BRMS1L: variants seen among roughly 807,000 people sequenced by gnomAD.
The protein encoded by BRMS1L is breast cancer metastasis-suppressor 1-like protein.
A neutral mutation model predicts 50.3 loss-of-function variants in BRMS1L; 23 were observed. That is an observed-to-expected ratio of 0.46 (90% CI 0.33 to 0.65). BRMS1L has a LOEUF of 0.65. Among genes scored for constraint, BRMS1L ranks in the 30% least tolerant of loss-of-function variants. The pLI, the probability that BRMS1L is intolerant of heterozygous loss-of-function variation, is 0.02. For synonymous variants in BRMS1L, 114 were observed against 126.9 expected, an observed-to-expected ratio of 0.90 and a Z score of 0.69; for missense variants, 286 against 386.1, an observed-to-expected ratio of 0.74 and a Z score of 2.17.
At chr14:35,832,484 T>C (rs1021318607) in intron 2 of BRMS1L, among the ~76,000 whole-genome samples, 43 of 147,464 alleles carry the variant, frequency 2.9e-4, no homozygotes, top group Middle Eastern at 3.4e-3. Flanking sequence ...CCAGCCTGGG[T>C]GACGGAGCGA....
rs1212538693 is a variant in BRMS1L at position 35,826,380 on chromosome 14, G to C, written c.-137G>C. 4.5e-6 allele frequency: 6 copies of C among 1,336,600 alleles called. No individual in the cohort carries two copies. The highest frequency in any genetic ancestry group is 6.1e-6 in the Non-Finnish European group (6 of 978,604). The allele number at this position is 1,336,600 out of a possible 1,614,324, so 82.8% of individuals were successfully genotyped here. On this transcript the variant is annotated 5_prime_UTR_variant, in exon 1 of 10. Transcript: ENST00000216807. The stretch of plus-strand genomic sequence containing the variant: ...GCCTGCGGGTTAGGTTGTGAGGCCC[G>C]GGCCGGGGGCGGGGAGGAGCCAAGG...
chr14:35,842,936 A>G (rs549921852), intron 4 of BRMS1L, among the ~76,000 whole-genome samples: 3 of 152,116 alleles, frequency 2.0e-5, no homozygotes, highest in South Asian at 2.1e-4. Flanking sequence ...TTGATCTTCA[A>G]TCTCTGATAT....
chr14:35,864,885 T>G, intron 6 of BRMS1L, 50 bp from the exon 7 acceptor site: 1 of 1,232,972 alleles, frequency 8.1e-7, no homozygotes, highest in East Asian at 2.4e-5. Flanking sequence ...TTTGGAAATA[T>G]AATTCAAAGT....
chr14:35,832,942 T>C (rs1298184546), intron 2 of BRMS1L, 36 bp from the exon 3 acceptor site: 2 of 1,557,866 alleles, frequency 1.3e-6, no homozygotes, highest in South Asian at 2.4e-5. Context: ...TTTGTTGAGA[T>C]TTTTAAATTA....
intron 4 of BRMS1L, among the ~76,000 whole-genome samples, chr14:35,856,004 A>C (rs1376950047): frequency 6.6e-6 from 1 of 152,168 alleles, no homozygotes; most frequent in African/African-American, 2.4e-5. Flanking sequence ...TCTGAATGTC[A>C]TTATTCAGGG....
Position 35,864,504 on chromosome 14 carries a change from T to C in BRMS1L, c.623-431T>C, listed in dbSNP as rs575028457. On this transcript the variant is annotated intron_variant, in intron 6 of 9. Transcript: ENST00000216807. ...TTGAACTCCTGGGCTTAAGCCTGCA[T>C]TGGCCTCCCAAAGTGCTAGGATTGC... Among the ~76,000 whole-genome samples, 31 of 152,292 alleles carry C rather than the reference T, an allele frequency of 2.0e-4. No individual in the cohort carries two copies. The East Asian group carries it at 5.6e-3, about 28-fold the overall frequency.
In BRMS1L at chr14:35,865,963, T is replaced by C. The variant is rs1206476917; in HGVS notation, c.727+202T>C. On this transcript the variant is annotated intron_variant, in intron 8 of 9. Transcript: ENST00000216807. Reference sequence around the variant, plus strand: ...TCTGAATGTGGTATAATTATTTCAGTGTTCAGCTACATTCTTATTGCTAAT... The same window carrying C: ...TCTGAATGTGGTATAATTATTTCAGCGTTCAGCTACATTCTTATTGCTAAT... The C allele has an allele frequency of 1.3e-5, 7 of 546,422 alleles. No individual in the cohort carries two copies. In the East Asian group the frequency reaches 2.2e-4, roughly 17 times the overall value. The allele number at this position is 546,422 out of a possible 1,614,324, so 33.8% of individuals were successfully genotyped here.
At chr14:35,849,380 C>T (rs2078179190) in intron 4 of BRMS1L, among the ~76,000 whole-genome samples, 1 of 152,164 alleles carries the variant, frequency 6.6e-6, no homozygotes, top group Admixed American at 6.5e-5. Flanking sequence ...CTCAAACTCC[C>T]AGGCTCAAGC....
At chr14:35,862,958 A>G (rs138381657) in intron 5 of BRMS1L, among the ~76,000 whole-genome samples, 2 of 152,274 alleles carry the variant, frequency 1.3e-5, no homozygotes, top group East Asian at 1.9e-4. Context: ...TCAGGGCTGG[A>G]TGTGGTGCTG....
chr14:35,843,733 T>G (rs755046297), intron 4 of BRMS1L, among the ~76,000 whole-genome samples: 6 of 152,226 alleles, frequency 3.9e-5, no homozygotes, highest in Non-Finnish European at 8.8e-5. Flanking sequence ...GATCTGCTGC[T>G]CTCTTTAGAG....
intron 4 of BRMS1L, 57 bp downstream of exon 4, chr14:35,834,980 G>A (rs1159062791): frequency 7.5e-7 from 1 of 1,342,176 alleles, no homozygotes; most frequent in Non-Finnish European, 1.0e-6. Context: ...CCTTTTCTGA[G>A]TGTAGTAGTT....
chr14:35,826,566 A>G lies in BRMS1L; in HGVS notation c.50A>G (p.Glu17Gly), dbSNP rs748704138. ...GDKKETNHHD[E>G]MEVDYAENEG... is the part of the protein sequence containing the mutation. Reference sequence around the variant, plus strand: ...AAGAAGGAGACCAACCATCACGATGAGATGGAGGTGGACTACGCCGAAAAT... The same window carrying G: ...AAGAAGGAGACCAACCATCACGATGGGATGGAGGTGGACTACGCCGAAAAT... Residue 17 changes from glutamate to glycine, a missense_variant, in exon 1 of 10, where the codon GAG becomes GGG. Physicochemically the swap from Glu to Gly is moderately conservative, Grantham distance 98. This residue lies in a region of BRMS1L where 66 missense variants were observed against 67.8 expected (regional missense o/e 0.97). Coordinates refer to ENST00000216807, the MANE Select transcript of BRMS1L (RefSeq NM_032352.4). 8.7e-6 allele frequency: 14 copies of G among 1,607,808 alleles called. No individual in the cohort carries two copies. The highest frequency in any genetic ancestry group is 1.2e-5 in the Non-Finnish European group (14 of 1,177,764).
intron 4 of BRMS1L, among the ~76,000 whole-genome samples, chr14:35,857,417 C>A (rs79903009): frequency 0.022 from 3,336 of 151,734 alleles, 132 homozygotes; most frequent in South Asian, 0.14. Flanking sequence ...AATTCTGTAT[C>A]CCAGTGGCAA....
At chr14:35,835,145 G>C (rs373486864) in intron 4 of BRMS1L, among the ~76,000 whole-genome samples, 1 of 151,926 alleles carries the variant, frequency 6.6e-6, no homozygotes, top group African/African-American at 2.4e-5. Context: ...AATTTTAGAA[G>C]TTTTGCAGCT....
intron 4 of BRMS1L, among the ~76,000 whole-genome samples, chr14:35,837,823 A>G (rs996257920): frequency 8.5e-5 from 13 of 152,172 alleles, no homozygotes; most frequent in African/African-American, 2.9e-4. Context: ...AAATGCTGGG[A>G]TTACAGGCTT....
chr14:35,869,075 CAG>C (rs1454677812), intron 9 of BRMS1L, among the ~76,000 whole-genome samples: 2 of 152,080 alleles, frequency 1.3e-5, no homozygotes, highest in Non-Finnish European at 2.9e-5. Flanking sequence ...TTTCCAAATA[CAG>C]TGGTTTTAAT....
intron 4 of BRMS1L, among the ~76,000 whole-genome samples, chr14:35,839,722 G>T (rs1468718003): frequency 1.3e-5 from 2 of 152,186 alleles, no homozygotes; most frequent in Admixed American, 6.5e-5. Flanking sequence ...CATTGATTTT[G>T]TATCCTGAGA....
At chr14:35,862,435 C>T (rs11624286) in intron 4 of BRMS1L, among the ~76,000 whole-genome samples, 155 bp from the exon 5 acceptor site, 1 of 152,080 alleles carries the variant, frequency 6.6e-6, no homozygotes, top group Admixed American at 6.6e-5. Context: ...TTATTTCTTT[C>T]ATGTATTTGA....
chr14:35,859,195 C>T (rs902044988), intron 4 of BRMS1L, among the ~76,000 whole-genome samples: 1 of 152,132 alleles, frequency 6.6e-6, no homozygotes, highest in East Asian at 1.9e-4. Context: ...CCGCCAGCCT[C>T]AGCCTCCCAA....
Sources: gnomAD v4.1 joint callset for allele counts (sites outside exome capture counted in the v4.1 genomes callset) on GRCh38, gnomAD v4.1.1 for gene constraint, gnomAD v4.1.1 regional missense constraint, MANE v1.5 for transcripts, NCBI Gene and HGNC (gene_info 2026-07-23, HGNC 2026-07-21) for gene names.